Variants in CTNNA3 observed in about 807,000 individuals in gnomAD.
CTNNA3 encodes catenin alpha 3, also known as catenin alpha-3.
Under a neutral mutation model 95.7 loss-of-function variants are expected in CTNNA3, and 76 were observed. That is an observed-to-expected ratio of 0.79 (90% confidence interval 0.66 to 0.96). CTNNA3 has a LOEUF of 0.96. Among genes scored for constraint, CTNNA3 ranks in the 40% least tolerant of loss-of-function variants. CTNNA3 has a pLI of 0.00. For synonymous variants in CTNNA3, 431 were observed against 374.4 expected (o/e 1.15, Z -1.74); for missense variants, 1,191 against 1,089.8 (o/e 1.09, Z -1.31).
intron 10 of CTNNA3, among the ~76,000 whole-genome samples, chr10:66,555,719 A>C (rs1478750590): frequency 6.6e-6 from 1 of 152,094 alleles, no homozygotes; most frequent in Non-Finnish European, 1.5e-5. Flanking sequence ...CACCATCAAC[A>C]TAATCAAAAG....
chr10:66,357,099 T>C (rs986358193), intron 12 of CTNNA3, among the ~76,000 whole-genome samples: 1 of 152,122 alleles, frequency 6.6e-6, no homozygotes, highest in African/African-American at 2.4e-5. Flanking sequence ...GTTTGATCCC[T>C]CGGGTATTAC....
intron 11 of CTNNA3, among the ~76,000 whole-genome samples, chr10:66,479,876 C>T (rs1839456309): frequency 6.6e-6 from 1 of 151,646 alleles, no homozygotes; most frequent in East Asian, 1.9e-4. Flanking sequence ...ATCAATCGAA[C>T]ATCTTTCTGC....
chr10:67,709,295 C>A (rs770687458), intron 1 of CTNNA3, among the ~76,000 whole-genome samples: 3 of 151,984 alleles, frequency 2.0e-5, no homozygotes, highest in Non-Finnish European at 4.4e-5. Context: ...ATTAAAACTG[C>A]GCCAAAAAAT....
intron 10 of CTNNA3, among the ~76,000 whole-genome samples, chr10:66,535,231 TAATC>T (rs1245575300): frequency 6.6e-6 from 1 of 152,080 alleles, no homozygotes; most frequent in African/African-American, 2.4e-5. Context: ...AAGGAAAACA[TAATC>T]AATAATATAC....
intron 7 of CTNNA3, among the ~76,000 whole-genome samples, chr10:67,118,052 T>A (rs1859273875): frequency 6.6e-6 from 1 of 152,024 alleles, no homozygotes; most frequent in Admixed American, 6.6e-5. Context: ...CTTAGCATGC[T>A]AATAGCTAAC....
At chr10:66,424,489 G>C (rs1054419107) in intron 11 of CTNNA3, among the ~76,000 whole-genome samples, 4 of 151,844 alleles carry the variant, frequency 2.6e-5, no homozygotes, top group Admixed American at 6.6e-5. Context: ...TCCACAGGTT[G>C]TGAAATGAAT....
chr10:66,310,839 A>C (rs1009873176), intron 12 of CTNNA3, among the ~76,000 whole-genome samples: 2 of 152,032 alleles, frequency 1.3e-5, no homozygotes, highest in South Asian at 4.2e-4. Context: ...ACCCACAACA[A>C]CGCCTGGCTA....
At chr10:66,597,524 ATATATATATATATATAT>A (rs1270243939) in intron 10 of CTNNA3, among the ~76,000 whole-genome samples, 3 of 98,102 alleles carry the variant, frequency 3.1e-5, no homozygotes, top group African/African-American at 1.2e-4. Flanking sequence ...ATATATATAT[ATATATATATATATATAT>A]ATATATATAT....
At chr10:66,062,545 G>A (rs1445297982) in intron 15 of CTNNA3, among the ~76,000 whole-genome samples, 1 of 152,100 alleles carries the variant, frequency 6.6e-6, no homozygotes, top group Non-Finnish European at 1.5e-5. Context: ...ACATTACGGT[G>A]TCTGAGAAGA....
intron 15 of CTNNA3, among the ~76,000 whole-genome samples, chr10:66,014,131 G>T (rs1174205935): frequency 6.6e-6 from 1 of 151,490 alleles, no homozygotes; most frequent in Non-Finnish European, 1.5e-5. Flanking sequence ...TTTTTATCAT[G>T]GGCTAGGAAT....
At chr10:66,846,780 C>A (rs1458386661) in intron 7 of CTNNA3, among the ~76,000 whole-genome samples, 1 of 152,128 alleles carries the variant, frequency 6.6e-6, no homozygotes, top group Admixed American at 6.5e-5. Flanking sequence ...CAGGTCATAG[C>A]CATTTGTAGT....
At chr10:67,095,250 T>G (rs939140402) in intron 7 of CTNNA3, among the ~76,000 whole-genome samples, 5 of 151,684 alleles carry the variant, frequency 3.3e-5, no homozygotes, top group African/African-American at 1.2e-4. Context: ...GAATCAACTT[T>G]AAAATGCACT....
chr10:66,229,562 G>C (rs1480477044), intron 13 of CTNNA3, among the ~76,000 whole-genome samples: 1 of 151,382 alleles, frequency 6.6e-6, no homozygotes, highest in Non-Finnish European at 1.5e-5. Context: ...ATTCTCTCTT[G>C]GCCTGTAAGG....
At chr10:66,914,108 T>C (rs1407686202) in intron 7 of CTNNA3, among the ~76,000 whole-genome samples, 1 of 149,868 alleles carries the variant, frequency 6.7e-6, no homozygotes, top group African/African-American at 2.4e-5. Flanking sequence ...CACCAAAACC[T>C]TGCCCACTGG....
At chr10:67,596,702 T>C (rs895911897) in intron 3 of CTNNA3, among the ~76,000 whole-genome samples, 2 of 152,244 alleles carry the variant, frequency 1.3e-5, no homozygotes, top group African/African-American at 4.8e-5. Context: ...CCTATAGTAC[T>C]ATTTCTTTGG....
chr10:67,383,916 G>A (rs1202909737), intron 5 of CTNNA3, among the ~76,000 whole-genome samples: 3 of 152,146 alleles, frequency 2.0e-5, no homozygotes, highest in Non-Finnish European at 4.4e-5. Flanking sequence ...AGGAAATTAT[G>A]TTCCACTTAA....
chr10:66,128,924 T>G (rs2082955701), intron 13 of CTNNA3, among the ~76,000 whole-genome samples: 1 of 151,540 alleles, frequency 6.6e-6, no homozygotes, highest in Non-Finnish European at 1.5e-5. Flanking sequence ...TATTCAATTC[T>G]GCTGTGAACC....
chr10:66,903,868 T>G (rs537087345), intron 7 of CTNNA3, among the ~76,000 whole-genome samples: 25 of 152,038 alleles, frequency 1.6e-4, no homozygotes, highest in African/African-American at 5.3e-4. Context: ...ACTGCTCAAT[T>G]AAATAAAACA....
At chr10:66,547,158 G>A (rs1842058936) in intron 10 of CTNNA3, among the ~76,000 whole-genome samples, 3 of 151,710 alleles carry the variant, frequency 2.0e-5, no homozygotes, top group African/African-American at 7.3e-5. Flanking sequence ...TTATTAATTG[G>A]CTCTTAAATC....
Sources: allele counts gnomAD v4.1 joint callset (sites outside exome capture counted in the v4.1 genomes callset), GRCh38; gene constraint gnomAD v4.1.1; transcripts MANE v1.5; gene names NCBI Gene and HGNC (gene_info 2026-07-23, HGNC 2026-07-21).